The following DNAH9 variants were observed in gnomAD, a reference collection of about 807,000 sequenced individuals.
DNAH9 encodes the protein DNAH9 variant protein.
DNAH9 carries 345 observed loss-of-function variants against 471.6 expected under a neutral mutation model. The ratio of observed to expected loss-of-function variants is 0.73; its 90% CI spans 0.67 to 0.80. The LOEUF is 0.80. Among genes scored for constraint, DNAH9 ranks in the 30% least tolerant of loss-of-function variants. The pLI is 0.00. For synonymous variants in DNAH9, 2,093 were observed against 2,123.6 expected, an observed-to-expected ratio of 0.99 and a Z score of 0.40; for missense variants, 5,407 against 5,609.2, an observed-to-expected ratio of 0.96 and a Z score of 1.15.
intron 14 of DNAH9, among the ~76,000 whole-genome samples, chr17:11,658,893 C>T (rs1372859791): frequency 6.6e-6 from 1 of 151,900 alleles, no homozygotes; most frequent in African/African-American, 2.4e-5. Flanking sequence ...AGTATTTGCT[C>T]TGATAATTTT....
chr17:11,953,114 A>T (rs1460717650), intron 67 of DNAH9, among the ~76,000 whole-genome samples: 1 of 151,944 alleles, frequency 6.6e-6, no homozygotes, highest in African/African-American at 2.4e-5. Context: ...CTCCTTAAAG[A>T]CTCTATTTCC....
At chr17:11,807,660 C>A in intron 43 of DNAH9, 72 bp from the exon 44 acceptor site, 1 of 1,512,668 alleles carries the variant, frequency 6.6e-7, no homozygotes, top group South Asian at 1.3e-5. Context: ...TGCTCCCACT[C>A]AAGCCTTTAT....
At chr17:11,763,347 C>A in intron 35 of DNAH9, 93 bp from the exon 36 acceptor site, 7 of 1,089,136 alleles carry the variant, frequency 6.4e-6, no homozygotes, top group South Asian at 1.5e-5. Flanking sequence ...GACCATGAGT[C>A]CACTGAAACT....
intron 59 of DNAH9, among the ~76,000 whole-genome samples, chr17:11,899,947 G>A (rs1034331632): frequency 1.3e-5 from 2 of 152,178 alleles, no homozygotes; most frequent in Admixed American, 6.5e-5. Context: ...AGTCTTGTGG[G>A]AGTAACAGGC....
chr17:11,680,009 GA>G, intron 18 of DNAH9, 30 bp downstream of exon 18: 1 of 1,546,680 alleles, frequency 6.5e-7, no homozygotes, highest in Non-Finnish European at 8.9e-7. Flanking sequence ...CCTTATAAAA[GA>G]AATAGAGGAA....
intron 56 of DNAH9, among the ~76,000 whole-genome samples, chr17:11,886,322 T>TCAAA (rs371583670): frequency 1.1e-3 from 160 of 152,002 alleles, no homozygotes; most frequent in African/African-American, 1.7e-3. Context: ...AGACTTTGTC[T>TCAAA]CAAACAAACA....
intron 59 of DNAH9, among the ~76,000 whole-genome samples, chr17:11,898,673 AAAG>A (rs1348687164): frequency 5.3e-5 from 8 of 152,222 alleles, no homozygotes; most frequent in African/African-American, 1.9e-4. Flanking sequence ...GAATTTGTCC[AAAG>A]AAGGAAAAAC....
chr17:11,911,930 C>T (rs1218396779), intron 61 of DNAH9, among the ~76,000 whole-genome samples: 1 of 152,110 alleles, frequency 6.6e-6, no homozygotes, highest in Non-Finnish European at 1.5e-5. Flanking sequence ...TCTAATAATT[C>T]CTTCTAGTGA....
intron 8 of DNAH9, among the ~76,000 whole-genome samples, chr17:11,634,572 T>A (rs2073126074): frequency 6.6e-6 from 1 of 152,180 alleles, no homozygotes; most frequent in Non-Finnish European, 1.5e-5. Flanking sequence ...CTCGGAAAAG[T>A]CTGCTCTCTT....
chr17:11,898,413 G>A (rs746867397), intron 59 of DNAH9, among the ~76,000 whole-genome samples: 6 of 152,162 alleles, frequency 3.9e-5, no homozygotes, highest in South Asian at 2.1e-4. Context: ...GAGCCGCCGC[G>A]CCTGGCCCTT....
chr17:11,822,991 G>C lies in DNAH9; in HGVS notation c.9203G>C (p.Arg3068Pro). Residue 3068 changes from arginine to proline, a missense_variant, in exon 48 of 69, where the codon CGG (arginine) becomes CCG (proline). Arg to Pro is a moderately radical substitution (Grantham distance 103). Around this residue, in one of 3 missense-constraint regions of DNAH9, gnomAD observed 4,636 missense variants for 4,900.3 expected, o/e 0.95. Coordinates refer to ENST00000262442, the MANE Select transcript of DNAH9 (RefSeq NM_001372.4). ...HRKELKCKTE[R>P]LENGLLKLHS... is the part of the protein sequence containing the mutation. ...AAAGAGCTCAAGTGCAAGACAGAGC[G>C]GTTGGAGAACGGGCTGCTGAAGCTG... The C allele has an allele frequency of 6.2e-7, 1 of 1,614,102 alleles. No individual in the cohort carries two copies. The highest frequency in any genetic ancestry group is 2.2e-5 in the East Asian group (1 of 44,856).
At chr17:11,874,822 G>A in intron 52 of DNAH9, 127 bp from the exon 53 acceptor site, 1 of 698,540 alleles carries the variant, frequency 1.4e-6, no homozygotes, top group Non-Finnish European at 2.5e-6. Flanking sequence ...AGCCAGAAAG[G>A]CATTCTTCAG....
At chr17:11,611,938 A>G (rs1188621746) in intron 4 of DNAH9, 158 bp downstream of exon 4, 4 of 703,984 alleles carry the variant, frequency 5.7e-6, no homozygotes, top group South Asian at 3.3e-5. Context: ...ATCTAGATAC[A>G]TGAGAGCAGC....
Position 11,598,679 on chromosome 17 carries a change from G to C in DNAH9, c.181G>C (p.Gly61Arg), listed in dbSNP as rs755377341. ...EAEQLLQAFLGRDAAEGPRPL... is the reference protein window; with the variant it reads ...EAEQLLQAFLRRDAAEGPRPL... ...GGAGCAGCTGCTCCAGGCCTTCCTG[G>C]GCCGCGATGCTGCCGAGGGGCCGCG... Residue 61 changes from glycine to arginine, a missense_variant, in exon 1 of 69, where the codon GGC (glycine) becomes CGC (arginine). By Grantham distance (125) the Gly-to-Arg change is moderately radical. Around this residue, in one of 3 missense-constraint regions of DNAH9, gnomAD observed 767 missense variants for 692.5 expected, o/e 1.11. Transcript: ENST00000262442. The C allele has an allele frequency of 2.9e-6, 4 of 1,365,918 alleles. No homozygotes were observed. Among genetic ancestry groups the C allele is most frequent in the Non-Finnish European group, 3.8e-6 (4 of 1,065,854 alleles). 84.6% of individuals were successfully genotyped at this position (1,365,918 alleles called of 1,614,324 possible). A position where few individuals can be genotyped will look rare whatever the true frequency, so the allele number is the denominator to read the frequency against.
rs529700289 is a variant in DNAH9 at position 11,875,236 on chromosome 17, G to A, written c.10478+52G>A. The A allele has an allele frequency of 2.6e-4, 383 of 1,468,884 alleles. 3 individuals carry two copies. The South Asian group carries it at 4.0e-3, about 15-fold the overall frequency. 91.0% of individuals were successfully genotyped at this position (1,468,884 alleles called of 1,614,324 possible). ...ACTTTAGCCATTTGTGCAGGAAAAT[G>A]TATAGATCATGAGCAGATTTTAAGC... On this transcript the variant is annotated intron_variant, in intron 53 of 68. Transcript: ENST00000262442.
intron 27 of DNAH9, among the ~76,000 whole-genome samples, chr17:11,724,707 AGT>A (rs1438939053): frequency 6.6e-6 from 1 of 152,268 alleles, no homozygotes; most frequent in Non-Finnish European, 1.5e-5. Flanking sequence ...AATGTAAGGC[AGT>A]GGTCCCCAAC....
At chr17:11,736,780 C>G (rs903379920) in intron 28 of DNAH9, among the ~76,000 whole-genome samples, 2 of 152,160 alleles carry the variant, frequency 1.3e-5, no homozygotes, top group Admixed American at 1.3e-4. Flanking sequence ...TCTTGCTGAG[C>G]GTGAGGTTTC....
chr17:11,896,325 T>C (rs2151007914), intron 59 of DNAH9, among the ~76,000 whole-genome samples: 1 of 152,276 alleles, frequency 6.6e-6, no homozygotes, highest in South Asian at 2.1e-4. Flanking sequence ...TTAGACTTTG[T>C]AGGCCAGACT....
rs1976316780 is a variant in DNAH9 at position 11,962,652 on chromosome 17, T to C, written c.13233+396T>C. On this transcript the variant is annotated intron_variant, in intron 68 of 68. Coordinates refer to ENST00000262442, the MANE Select transcript of DNAH9 (RefSeq NM_001372.4). This position sits in a 1 kb window ranked among gnomAD's most constrained non-coding sequence, Gnocchi z 4.1. ...ACAGTGCCTGGCACATAGGCAGTTATCAAAAAATGTTGGAGTCAGCTATCT... is the reference window on the plus strand; with the variant it reads ...ACAGTGCCTGGCACATAGGCAGTTACCAAAAAATGTTGGAGTCAGCTATCT... Among the ~76,000 whole-genome samples the C allele has an allele frequency of 6.6e-6, 1 of 152,148 alleles. No homozygotes were observed. The highest frequency in any genetic ancestry group is 1.5e-5 in the Non-Finnish European group (1 of 68,032).
Sources: gnomAD v4.1 joint callset for allele counts (sites outside exome capture counted in the v4.1 genomes callset) on GRCh38, gnomAD v4.1.1 for gene constraint, gnomAD v4.1.1 regional missense constraint, Gnocchi (gnomAD v3.1) non-coding constraint, MANE v1.5 for transcripts, NCBI Gene and HGNC (gene_info 2026-07-23, HGNC 2026-07-21) for gene names.